The following ELMOD3 variants were observed in gnomAD, a reference collection of about 807,000 sequenced individuals.
The protein encoded by ELMOD3 is ELMO domain containing 3, also known as ELMO domain-containing protein 3.
A neutral mutation model predicts 47.4 loss-of-function variants in ELMOD3; 36 were observed. That is an observed-to-expected ratio of 0.76 (90% confidence interval 0.58 to 1.00). ELMOD3 has a LOEUF of 1.00. ELMOD3 is among the 50% of genes least tolerant of loss of function. The pLI, the probability that ELMOD3 is intolerant of heterozygous loss-of-function variation, is 0.00. For missense variants in ELMOD3, 404 were observed against 463.8 expected, an observed-to-expected ratio of 0.87 and a Z score of 1.18; for synonymous variants, 149 against 183.5, an observed-to-expected ratio of 0.81 and a Z score of 1.52.
chr2:85,385,648 G>T (rs1238970652), intron 11 of ELMOD3, among the ~76,000 whole-genome samples: 1 of 152,242 alleles, frequency 6.6e-6, no homozygotes, highest in Admixed American at 6.5e-5. Flanking sequence ...AGTAGGAGAG[G>T]TGGTCGTAGA....
intron 6 of ELMOD3, chr2:85,367,579 A>G (rs1394869000): frequency 6.6e-6 from 1 of 152,282 alleles, no homozygotes; most frequent in Non-Finnish European, 1.5e-5. Flanking sequence ...TCAGAAGTGC[A>G]TTTAAGGCTG....
chr2:85,368,814 C>A, intron 7 of ELMOD3, 60 bp downstream of exon 7: 1 of 1,560,448 alleles, frequency 6.4e-7, no homozygotes, highest in Non-Finnish European at 8.8e-7. Flanking sequence ...GCACCATCCA[C>A]ACATGTGGCA....
intron 12 of ELMOD3, 146 bp downstream of exon 12, chr2:85,389,973 T>C (rs1419458196): frequency 4.7e-6 from 5 of 1,056,116 alleles, no homozygotes; most frequent in Non-Finnish European, 7.4e-6. Context: ...CCCCAGGACA[T>C]CCCTTCTCCC....
chr2:85,371,065 T>C, intron 8 of ELMOD3, 21 bp from the exon 9 acceptor site: 1 of 1,612,478 alleles, frequency 6.2e-7, no homozygotes, highest in Middle Eastern at 1.7e-4. Context: ...TTCTGCCCAT[T>C]GCCTGCAACT....
intron 11 of ELMOD3, among the ~76,000 whole-genome samples, chr2:85,381,051 T>C (rs1251901835): frequency 6.6e-6 from 1 of 152,230 alleles, no homozygotes. Context: ...TTGGAACACA[T>C]ACCAATAACA....
intron 11 of ELMOD3, among the ~76,000 whole-genome samples, chr2:85,379,757 T>C (rs1243612706): frequency 3.3e-5 from 5 of 152,220 alleles, no homozygotes; most frequent in African/African-American, 1.2e-4. Flanking sequence ...ATTTTTCACA[T>C]AGGCTTTTTT....
At chr2:85,361,491 T>C (rs1220572943) in intron 4 of ELMOD3, among the ~76,000 whole-genome samples, 1 of 152,152 alleles carries the variant, frequency 6.6e-6, no homozygotes, top group African/African-American at 2.4e-5. Flanking sequence ...TGCAGGGACA[T>C]GGATGGAGCT....
intron 4 of ELMOD3, among the ~76,000 whole-genome samples, chr2:85,359,845 C>T (rs1194519971): frequency 1.3e-5 from 2 of 152,056 alleles, no homozygotes; most frequent in Non-Finnish European, 2.9e-5. Context: ...TGTCTGTAAT[C>T]CCAGCACTTT....
chr2:85,356,197 G>A (rs1421779208), intron 3 of ELMOD3: 1 of 152,296 alleles, frequency 6.6e-6, no homozygotes, highest in Non-Finnish European at 1.5e-5. Context: ...CTAGCCAGCT[G>A]CCACATGCAC....
In ELMOD3 at chr2:85,377,335, C is replaced by G; in HGVS notation, c.608-9C>G. On this transcript the variant is annotated splice_polypyrimidine_tract_variant and intron_variant, in intron 10 of 13. Transcript: ENST00000409013. The stretch of plus-strand genomic sequence containing the variant: ...GCCACACCCTGTTTCCTCACGGTCT[C>G]TGTTACAGGAGCGAATCCAGCCACA... 1 of 1,591,004 alleles carries G rather than the reference C, an allele frequency of 6.3e-7. No individual in the cohort carries two copies. Among genetic ancestry groups the G allele is most frequent in the Admixed American group, 1.8e-5 (1 of 56,662 alleles).
intron 10 of ELMOD3, 125 bp downstream of exon 10, chr2:85,371,687 G>A: frequency 7.0e-7 from 1 of 1,429,204 alleles, no homozygotes; most frequent in South Asian, 1.4e-5. Flanking sequence ...CCGGGAAGAG[G>A]GTGCAGCAAA....
chr2:85,374,212 T>C (rs1685006548), intron 10 of ELMOD3, among the ~76,000 whole-genome samples: 1 of 151,268 alleles, frequency 6.6e-6, no homozygotes, highest in Non-Finnish European at 1.5e-5. Context: ...TTTCAAAATA[T>C]TTTTTGTGCC....
At chr2:85,382,951 A>C (rs558013457) in intron 11 of ELMOD3, among the ~76,000 whole-genome samples, 114 of 133,798 alleles carry the variant, frequency 8.5e-4, no homozygotes, top group African/African-American at 2.6e-3. Flanking sequence ...AAAAAAAAAA[A>C]AAACAAAAAA....
chr2:85,377,546 C>G, intron 11 of ELMOD3, 72 bp downstream of exon 11: 1 of 1,488,066 alleles, frequency 6.7e-7, no homozygotes, highest in Non-Finnish European at 9.0e-7. Context: ...CGAGAGGGCT[C>G]CCAGGACAGC....
rs143960314 is a variant in ELMOD3 at position 85,371,152 on chromosome 2, C to G, written c.427C>G (p.Pro143Ala). The G allele has an allele frequency of 6.1e-5, 98 of 1,614,162 alleles. No individual in the cohort carries two copies. The highest frequency in any genetic ancestry group is 8.3e-5 in the Admixed American group (5 of 60,016). The change falls in exon 9 of 14, where the codon CCA (proline) becomes GCA (alanine). Residue 143 changes from proline (P) to alanine (A), a missense_variant. Physicochemically the swap from Pro to Ala is conservative, Grantham distance 27 (BLOSUM62 -1). Transcript: ENST00000409013. ...AALRHYLFGP[P>A]KLHQRLREER... ...CCTCCGACACTACCTCTTCGGGCCTCCAAAGCTCCACCAGCGCCTTCGGGA... is the reference window on the plus strand; with the variant it reads ...CCTCCGACACTACCTCTTCGGGCCTGCAAAGCTCCACCAGCGCCTTCGGGA...
At chr2:85,390,381 C>G in intron 13 of ELMOD3, 116 bp downstream of exon 13, 1 of 1,614,194 alleles carries the variant, frequency 6.2e-7, no homozygotes. Flanking sequence ...CACACTTTCT[C>G]AAATTCCAGC....
chr2:85,386,947 A>T (rs77120768), intron 11 of ELMOD3: 64,568 of 922,060 alleles, frequency 0.07, 2,567 homozygotes, highest in African/African-American at 0.13. Flanking sequence ...AGGTTGTGGG[A>T]GCCGAGATCG....
In ELMOD3 at chr2:85,354,840, G is replaced by A. The variant is rs751508201; in HGVS notation, c.-372+11G>A. The A allele has an allele frequency of 5.7e-5, 13 of 229,410 alleles. No individual in the cohort carries two copies. The highest frequency in any genetic ancestry group is 6.9e-5 in the African/African-American group (3 of 43,398). 14.2% of individuals were successfully genotyped at this position (229,410 alleles called of 1,614,324 possible). ...AAAGCTCTTTTAACGGTGAGAACGCGTTAACACTTGCCAAGGGGAGTGGTT... is the reference window on the plus strand; with the variant it reads ...AAAGCTCTTTTAACGGTGAGAACGCATTAACACTTGCCAAGGGGAGTGGTT... On this transcript the variant is annotated intron_variant, in intron 1 of 13. Coordinates refer to ENST00000409013, the MANE Select transcript of ELMOD3 (RefSeq NM_001135022.2).
chr2:85,367,943 C>G lies in ELMOD3; in HGVS notation c.200-743C>G, dbSNP rs538298313. On this transcript the variant is annotated intron_variant, in intron 6 of 13. Coordinates refer to ENST00000409013, the MANE Select transcript of ELMOD3 (RefSeq NM_001135022.2). Reference sequence around the variant, plus strand: ...TTTTTTTTTTTTTGAGGTGGAGTCTCGCTCTGTTGCCCAGGCTGGAGTGCA... The same window carrying G: ...TTTTTTTTTTTTTGAGGTGGAGTCTGGCTCTGTTGCCCAGGCTGGAGTGCA... Among the ~76,000 whole-genome samples the G allele has an allele frequency of 7.6e-4, 115 of 150,730 alleles. 1 individual carries two copies. The highest frequency in any genetic ancestry group is 2.6e-3 in the African/African-American group (108 of 40,992).
Sources: gnomAD v4.1 joint callset for allele counts (sites outside exome capture counted in the v4.1 genomes callset) on GRCh38, gnomAD v4.1.1 for gene constraint, MANE v1.5 for transcripts, NCBI Gene and HGNC (gene_info 2026-07-23, HGNC 2026-07-21) for gene names.